RNLS: variants seen among roughly 807,000 people sequenced by gnomAD.
The protein encoded by RNLS is renalase, FAD dependent amine oxidase.
RNLS carries 39 observed loss-of-function variants against 39.8 expected under a neutral mutation model. The ratio of observed to expected loss-of-function variants is 0.98; its 90% CI spans 0.76 to 1.28. The LOEUF is 1.28. Among genes scored for constraint, RNLS ranks in the 50% most tolerant of loss-of-function variants. The probability of loss-of-function intolerance (pLI) is 0.00; values close to 1 mark genes in which losing one functional copy is unlikely to be tolerated. For missense variants in RNLS, 410 were observed against 413.3 expected (o/e 0.99, Z 0.07); for synonymous variants, 147 against 150.7 (o/e 0.98, Z 0.18).
At chr10:88,365,062 AG>A (rs1279033034) in intron 4 of RNLS, among the ~76,000 whole-genome samples, 2 of 152,070 alleles carry the variant, frequency 1.3e-5, no homozygotes. Context: ...CAAAGTGCCA[AG>A]TGGTAAATCC....
intron 4 of RNLS, among the ~76,000 whole-genome samples, chr10:88,505,776 T>G (rs527769900): frequency 2.6e-5 from 4 of 152,216 alleles, no homozygotes; most frequent in African/African-American, 9.6e-5. Context: ...TAGCAGTCAC[T>G]ATGTCACCCA....
chr10:88,577,626 G>A (rs961254081), intron 3 of RNLS, among the ~76,000 whole-genome samples: 10 of 152,110 alleles, frequency 6.6e-5, no homozygotes, highest in African/African-American at 2.4e-4. Flanking sequence ...TCTCACCCCA[G>A]CATAATGACA....
At chr10:88,449,356 C>T (rs760489082) in intron 4 of RNLS, among the ~76,000 whole-genome samples, 3 of 152,194 alleles carry the variant, frequency 2.0e-5, no homozygotes, top group Non-Finnish European at 4.4e-5. Flanking sequence ...ATCCAGATCC[C>T]TGTGGATGGA....
chr10:88,247,758 C>A, the RNLS span, among the ~76,000 whole-genome samples: 2 of 152,324 alleles, frequency 1.3e-5, no homozygotes, highest in African/African-American at 2.4e-5. Flanking sequence ...TTAAGATTAA[C>A]CTGATCACCT....
the RNLS span, among the ~76,000 whole-genome samples, chr10:88,200,876 A>G: frequency 6.6e-6 from 1 of 152,300 alleles, no homozygotes; most frequent in Non-Finnish European, 1.5e-5. Flanking sequence ...CACAGTAACA[A>G]TGCTTTGTAG....
In RNLS at chr10:88,371,391, C is replaced by T. The variant is rs937438282; in HGVS notation, c.527-8666G>A. 2.6e-5 allele frequency among the ~76,000 whole-genome samples: 4 copies of T among 152,030 alleles called. No homozygotes were observed. In the South Asian group the frequency reaches 6.2e-4, roughly 24 times the overall value. On this transcript the variant is annotated intron_variant, in intron 4 of 6. Transcript: ENST00000331772. The stretch of plus-strand genomic sequence containing the variant: ...TCAGGACGATACTAAATCAAAGACA[C>T]GTCTTTGTCTAGTAAACTGCACGGC...
chr10:88,449,330 T>C (rs1842230734), intron 4 of RNLS, among the ~76,000 whole-genome samples: 1 of 152,212 alleles, frequency 6.6e-6, no homozygotes, highest in Non-Finnish European at 1.5e-5. Context: ...CCAAACATAC[T>C]TCCATTTATT....
At chr10:88,517,126 A>C (rs973184535) in intron 4 of RNLS, among the ~76,000 whole-genome samples, 2 of 151,998 alleles carry the variant, frequency 1.3e-5, no homozygotes, top group Non-Finnish European at 2.9e-5. Context: ...TTAATCAGAA[A>C]GATAACCTTT....
At chr10:88,533,571 A>T (rs1847566408) in intron 4 of RNLS, among the ~76,000 whole-genome samples, 1 of 152,156 alleles carries the variant, frequency 6.6e-6, no homozygotes, top group Non-Finnish European at 1.5e-5. Context: ...GAGCAAAATT[A>T]CCTAAGGTAC....
chr10:88,354,531 G>T (rs898186390), intron 5 of RNLS, among the ~76,000 whole-genome samples: 2 of 152,188 alleles, frequency 1.3e-5, no homozygotes, highest in Non-Finnish European at 2.9e-5. Context: ...CTTTAAGAAT[G>T]TTGAATATTG....
At chr10:88,372,302 A>C (rs1850628087) in intron 4 of RNLS, among the ~76,000 whole-genome samples, 1 of 152,088 alleles carries the variant, frequency 6.6e-6, no homozygotes, top group Non-Finnish European at 1.5e-5. Context: ...TATCTTTTTA[A>C]TCATAAAGAA....
At chr10:88,404,490 G>C (rs1477617477) in intron 4 of RNLS, among the ~76,000 whole-genome samples, 1 of 151,976 alleles carries the variant, frequency 6.6e-6, no homozygotes, top group Non-Finnish European at 1.5e-5. Flanking sequence ...ACGTCAAATA[G>C]GTAGAAGTTT....
At chr10:88,400,514 G>T (rs1852848210) in intron 4 of RNLS, among the ~76,000 whole-genome samples, 1 of 151,990 alleles carries the variant, frequency 6.6e-6, no homozygotes, top group Non-Finnish European at 1.5e-5. Flanking sequence ...ACTAGGAAGT[G>T]ATATCTCTAT....
At chr10:88,353,141 C>A (rs1161462034) in intron 5 of RNLS, among the ~76,000 whole-genome samples, 2 of 152,018 alleles carry the variant, frequency 1.3e-5, no homozygotes, top group African/African-American at 4.8e-5. Flanking sequence ...CTGATCTTTT[C>A]AAAAAACCAG....
intron 4 of RNLS, among the ~76,000 whole-genome samples, chr10:88,518,534 T>C (rs746446448): frequency 2.0e-5 from 3 of 151,986 alleles, no homozygotes; most frequent in Non-Finnish European, 4.4e-5. Flanking sequence ...ATCAGTATAA[T>C]TGGTTTGCTG....
intron 5 of RNLS, among the ~76,000 whole-genome samples, chr10:88,353,906 C>T (rs1351815119): frequency 5.3e-5 from 8 of 152,166 alleles, no homozygotes; most frequent in Admixed American, 5.2e-4. Context: ...GTATTGGGTG[C>T]ATATATATTT....
chr10:88,423,693 T>C (rs962322898), intron 4 of RNLS, among the ~76,000 whole-genome samples: 8 of 152,250 alleles, frequency 5.3e-5, no homozygotes, highest in African/African-American at 1.9e-4. Context: ...TCTTGCTATT[T>C]ATCTGTTAAA....
At chr10:88,242,545 T>C in the RNLS span, among the ~76,000 whole-genome samples, 1 of 152,212 alleles carries the variant, frequency 6.6e-6, no homozygotes, top group African/African-American at 2.4e-5. Flanking sequence ...AATCTCTGTT[T>C]TTTTTCTCAT....
intron 4 of RNLS, among the ~76,000 whole-genome samples, chr10:88,560,761 G>C (rs1302439268): frequency 6.6e-6 from 1 of 151,880 alleles, no homozygotes; most frequent in Admixed American, 6.6e-5. Flanking sequence ...CAACAGAAAG[G>C]TTCATAGGAG....
Sources: gnomAD v4.1 joint callset for allele counts (sites outside exome capture counted in the v4.1 genomes callset) on GRCh38, gnomAD v4.1.1 for gene constraint, MANE v1.5 for transcripts, NCBI Gene and HGNC (gene_info 2026-07-23, HGNC 2026-07-21) for gene names.